GSTCD: variants seen among roughly 807,000 people sequenced by gnomAD.
GSTCD encodes glutathione S-transferase C-terminal domain containing, also known as glutathione S-transferase C-terminal domain-containing protein.
Under a neutral mutation model 68.3 loss-of-function variants are expected in GSTCD, and 44 were observed. The observed-to-expected ratio is 0.64, with a 90% CI of 0.51 to 0.83. The LOEUF (loss-of-function observed/expected upper bound fraction) is 0.83. GSTCD is among the 40% of genes least tolerant of loss of function. The pLI is 0.00. For missense variants in GSTCD, 739 were observed against 735.9 expected (o/e 1.00, Z -0.05); for synonymous variants, 273 against 255.2 (o/e 1.07, Z -0.67).
Position 105,793,658 on chromosome 4 carries a change from T to C in GSTCD, c.1241-29296T>C, listed in dbSNP as rs757539059. 2.8e-4 allele frequency among the ~76,000 whole-genome samples: 43 copies of C among 152,126 alleles called. No homozygotes were observed. The Middle Eastern group carries it at 0.017, about 60-fold the overall frequency. On this transcript the variant is annotated intron_variant, in intron 5 of 11. Coordinates refer to ENST00000515279, the MANE Select transcript of GSTCD (RefSeq NM_001370181.1). ...GGGAATGCTCTTTATAGTGTGCAGT[T>C]TCTACCTCAAATCTCCGCATACTGC...
At chr4:105,798,473 G>T (rs1331109333) in intron 5 of GSTCD, among the ~76,000 whole-genome samples, 1 of 151,806 alleles carries the variant, frequency 6.6e-6, no homozygotes, top group African/African-American at 2.4e-5. Context: ...ACTACCAATA[G>T]CAGCTATAGT....
intron 5 of GSTCD, among the ~76,000 whole-genome samples, chr4:105,775,705 G>A (rs901592856): frequency 6.6e-6 from 1 of 152,202 alleles, no homozygotes. Flanking sequence ...ATTGCTGCCT[G>A]TTCCTTCCTC....
intron 11 of GSTCD, 141 bp from the exon 12 acceptor site, chr4:105,845,300 A>G: frequency 1.3e-6 from 1 of 754,582 alleles, no homozygotes; most frequent in Non-Finnish European, 2.1e-6. Context: ...AGTAAATTGA[A>G]AGAAACTAAA....
intron 5 of GSTCD, among the ~76,000 whole-genome samples, chr4:105,802,469 CTT>C (rs1435273054): frequency 6.6e-6 from 1 of 151,946 alleles, no homozygotes; most frequent in Non-Finnish European, 1.5e-5. Context: ...GCAGTAGAAT[CTT>C]TTTGTTTGTT....
chr4:105,759,683 C>A (rs868147883), intron 5 of GSTCD, among the ~76,000 whole-genome samples: 2 of 152,052 alleles, frequency 1.3e-5, no homozygotes, highest in South Asian at 2.1e-4. Context: ...GAGTTATAAA[C>A]TATAATATTG....
At chr4:105,830,629 C>G (rs1022606107) in intron 8 of GSTCD, among the ~76,000 whole-genome samples, 1 of 152,024 alleles carries the variant, frequency 6.6e-6, no homozygotes, top group African/African-American at 2.4e-5. Flanking sequence ...GCATTGAGTC[C>G]ATATTTTAGT....
At chr4:105,835,540 C>T (rs567804387) in intron 9 of GSTCD, among the ~76,000 whole-genome samples, 15 of 152,196 alleles carry the variant, frequency 9.9e-5, no homozygotes, top group African/African-American at 3.4e-4. Flanking sequence ...AGCTTGGAAA[C>T]GCCAGGAGCC....
At chr4:105,827,346 C>A (rs1723686627) in intron 8 of GSTCD, among the ~76,000 whole-genome samples, 1 of 152,150 alleles carries the variant, frequency 6.6e-6, no homozygotes, top group African/African-American at 2.4e-5. Context: ...CTAGCATATT[C>A]TTGTAACTTC....
intron 5 of GSTCD, among the ~76,000 whole-genome samples, chr4:105,791,857 T>C (rs1348459151): frequency 6.6e-6 from 1 of 152,148 alleles, no homozygotes; most frequent in Non-Finnish European, 1.5e-5. Context: ...TTGGTAATTT[T>C]TTCGTAGCAC....
At chr4:105,723,174 A>G (rs1440403625) in intron 3 of GSTCD, among the ~76,000 whole-genome samples, 1 of 152,010 alleles carries the variant, frequency 6.6e-6, no homozygotes, top group Non-Finnish European at 1.5e-5. Context: ...TTCTTGTGTG[A>G]TTATCATGTC....
At chr4:105,826,463 T>G (rs1473327268) in intron 8 of GSTCD, among the ~76,000 whole-genome samples, 2 of 152,038 alleles carry the variant, frequency 1.3e-5, no homozygotes, top group Admixed American at 1.3e-4. Flanking sequence ...TTTCTGATTT[T>G]GATAGGAATA....
chr4:105,737,196 A>C (rs1287026638), intron 5 of GSTCD, among the ~76,000 whole-genome samples: 2 of 152,200 alleles, frequency 1.3e-5, no homozygotes, highest in Admixed American at 1.3e-4. Context: ...ACTAGTTTAC[A>C]TTCCTACCAA....
chr4:105,729,752 T>G (rs1253018491), intron 5 of GSTCD, among the ~76,000 whole-genome samples: 1 of 152,224 alleles, frequency 6.6e-6, no homozygotes, highest in Non-Finnish European at 1.5e-5. Context: ...TTTTGTTTTG[T>G]TTTAATTTTA....
At position 105,776,187 on chromosome 4, in the gene GSTCD, C is replaced by T. The variant is rs1439411232; in HGVS notation, c.1240+46688C>T. On this transcript the variant is annotated intron_variant, in intron 5 of 11. Transcript: ENST00000515279. ...CTCAAGCCTCGGTAATGGCAGACAC[C>T]ACTCCCCACACCAAGCTCCAAAGTT... 2.0e-5 allele frequency among the ~76,000 whole-genome samples: 3 copies of T among 152,156 alleles called. No homozygotes were observed. In the East Asian group the frequency reaches 5.8e-4, roughly 29 times the overall value.
At chr4:105,828,146 C>G (rs138306286) in intron 8 of GSTCD, among the ~76,000 whole-genome samples, 25 of 152,272 alleles carry the variant, frequency 1.6e-4, no homozygotes, top group Middle Eastern at 3.4e-3. Context: ...CGAATCCTTT[C>G]TGTTCATCAA....
At chr4:105,838,065 G>C (rs897978485) in intron 10 of GSTCD, among the ~76,000 whole-genome samples, 176 bp downstream of exon 10, 11 of 152,138 alleles carry the variant, frequency 7.2e-5, no homozygotes, top group Non-Finnish European at 1.2e-4. Context: ...CTTCAAGTAG[G>C]TAACAAGATT....
intron 5 of GSTCD, among the ~76,000 whole-genome samples, chr4:105,787,271 G>T (rs1360023266): frequency 6.6e-6 from 1 of 152,038 alleles, no homozygotes; most frequent in African/African-American, 2.4e-5. Flanking sequence ...TAGTTCAGTA[G>T]ATCTAAGGTA....
chr4:105,746,116 C>T (rs1419152549), intron 5 of GSTCD: 1 of 152,124 alleles, frequency 6.6e-6, no homozygotes, highest in African/African-American at 2.4e-5. Flanking sequence ...ACTTTTGACT[C>T]CCCAAAAACT....
At position 105,762,335 on chromosome 4, in the gene GSTCD, G is replaced by A. The variant is rs144356039; in HGVS notation, c.1240+32836G>A. Among the ~76,000 whole-genome samples, 369 of 152,174 alleles carry A rather than the reference G, an allele frequency of 2.4e-3. 2 individuals are homozygous for A. Among genetic ancestry groups the A allele is most frequent in the African/African-American group, 8.6e-3 (358 of 41,514 alleles). ...CCAAAGCTTTGTAAGGATATTCTTA[G>A]CATTTAATTATATCAAACAAAACTA... is the stretch of plus-strand genomic sequence containing the variant. On this transcript the variant is annotated intron_variant, in intron 5 of 11. Transcript: ENST00000515279.
Sources: allele counts gnomAD v4.1 joint callset (sites outside exome capture counted in the v4.1 genomes callset), GRCh38; gene constraint gnomAD v4.1.1; transcripts MANE v1.5; gene names NCBI Gene and HGNC (gene_info 2026-07-23, HGNC 2026-07-21).